ATRNL1: variants seen among roughly 807,000 people sequenced by gnomAD.
The protein encoded by ATRNL1 is attractin-like protein 1.
In ATRNL1, 95 loss-of-function variants were observed where a neutral mutation model predicts 182.7. That is an observed-to-expected ratio of 0.52 (90% CI 0.44 to 0.62). The LOEUF is 0.62. ATRNL1 is among the 20% of genes least tolerant of loss of function. The pLI, the probability that ATRNL1 is intolerant of heterozygous loss-of-function variation, is 0.00. For synonymous variants in ATRNL1, 576 were observed against 568.3 expected, an observed-to-expected ratio of 1.01 and a Z score of -0.19; for missense variants, 1,471 against 1,679.5, an observed-to-expected ratio of 0.88 and a Z score of 2.17.
Position 115,317,393 on chromosome 10 carries a change from A to G in ATRNL1, c.3037+1657A>G, listed in dbSNP as rs527766441. ...TATATGGGGTCTTCTTTAATTCCAT[A>G]TGAAATTTAAAGTAGTTTTTTCTAA... On this transcript the variant is annotated intron_variant, in intron 18 of 28. Transcript: ENST00000355044. 3.3e-5 allele frequency among the ~76,000 whole-genome samples: 5 copies of G among 152,288 alleles called. No individual in the cohort carries two copies. The South Asian group carries it at 1.0e-3, about 32-fold the overall frequency.
chr10:115,457,283 C>T (rs1237429817), intron 21 of ATRNL1, among the ~76,000 whole-genome samples: 1 of 151,940 alleles, frequency 6.6e-6, no homozygotes, highest in African/African-American at 2.4e-5. Context: ...CTGGTACTTG[C>T]TAATTGGTCC....
At chr10:115,843,053 C>T (rs560260556) in intron 27 of ATRNL1, among the ~76,000 whole-genome samples, 35 of 151,996 alleles carry the variant, frequency 2.3e-4, no homozygotes, top group Non-Finnish European at 4.4e-4. Flanking sequence ...CATGCCTTGT[C>T]GCTTATTTCA....
At chr10:115,829,827 A>T (rs1950519785) in intron 27 of ATRNL1, among the ~76,000 whole-genome samples, 1 of 152,146 alleles carries the variant, frequency 6.6e-6, no homozygotes. Context: ...CTGCCCGGAG[A>T]AGAGTTCCTT....
In ATRNL1 at chr10:115,573,021, C is replaced by T. The variant is rs571175947; in HGVS notation, c.3795+23485C>T. On this transcript the variant is annotated intron_variant, in intron 26 of 28. Transcript: ENST00000355044. ...GCAAAGCTCTTTCAGCTTTGCCTTCCGCAGAAGGCTTGAGTGTTAATCAGT... is the reference window on the plus strand; with the variant it reads ...GCAAAGCTCTTTCAGCTTTGCCTTCTGCAGAAGGCTTGAGTGTTAATCAGT... 3.3e-5 allele frequency among the ~76,000 whole-genome samples: 5 copies of T among 152,224 alleles called. No homozygotes were observed. In the East Asian group the frequency reaches 5.8e-4, roughly 18 times the overall value.
intron 27 of ATRNL1, among the ~76,000 whole-genome samples, chr10:115,737,105 G>A (rs1032651079): frequency 2.6e-5 from 4 of 151,838 alleles, no homozygotes; most frequent in Non-Finnish European, 4.4e-5. Context: ...TCCCTTACTG[G>A]CTGCATTCTC....
chr10:115,597,596 G>C (rs1555014452), intron 26 of ATRNL1: 1 of 343,098 alleles, frequency 2.9e-6, no homozygotes, highest in Non-Finnish European at 5.3e-6. Context: ...TTTGGAGACA[G>C]AGTCACACTC....
At chr10:115,288,033 C>T (rs943532762) in intron 15 of ATRNL1, among the ~76,000 whole-genome samples, 3 of 151,462 alleles carry the variant, frequency 2.0e-5, no homozygotes, top group Middle Eastern at 3.4e-3. Flanking sequence ...CCACTTCCAT[C>T]CATGTTGCCA....
chr10:115,778,042 G>A (rs1445813359), intron 27 of ATRNL1, among the ~76,000 whole-genome samples: 6 of 152,096 alleles, frequency 3.9e-5, no homozygotes, highest in Non-Finnish European at 8.8e-5. Flanking sequence ...AATGTTCAGG[G>A]GCCGGACTTT....
chr10:115,571,004 G>T (rs1555003306), intron 26 of ATRNL1, among the ~76,000 whole-genome samples: 2 of 152,164 alleles, frequency 1.3e-5, no homozygotes, highest in African/African-American at 4.8e-5. Flanking sequence ...CCCCAACATG[G>T]CACCGGCTGG....
chr10:115,386,914 G>A (rs936631030), intron 19 of ATRNL1, among the ~76,000 whole-genome samples: 1 of 147,878 alleles, frequency 6.8e-6, no homozygotes, highest in South Asian at 2.1e-4. Context: ...AACATGCGGT[G>A]TTTGGTTTTT....
intron 19 of ATRNL1, among the ~76,000 whole-genome samples, chr10:115,363,280 A>AT (rs1232342303): frequency 6.6e-6 from 1 of 152,008 alleles, no homozygotes; most frequent in Non-Finnish European, 1.5e-5. Context: ...GATGATGAGC[A>AT]TTTTTTCATG....
At chr10:115,623,524 A>G (rs1295555046) in intron 26 of ATRNL1, among the ~76,000 whole-genome samples, 1 of 152,198 alleles carries the variant, frequency 6.6e-6, no homozygotes, top group African/African-American at 2.4e-5. Flanking sequence ...AACTATTCAT[A>G]TTTAAAACAA....
chr10:115,718,740 A>G (rs527440528), intron 26 of ATRNL1, among the ~76,000 whole-genome samples: 4 of 152,348 alleles, frequency 2.6e-5, no homozygotes, highest in African/African-American at 7.2e-5. Context: ...AAATTCTGCA[A>G]TATTTTTGCA....
At chr10:115,603,903 G>T (rs1039717698) in intron 26 of ATRNL1, among the ~76,000 whole-genome samples, 2 of 152,096 alleles carry the variant, frequency 1.3e-5, no homozygotes, top group Non-Finnish European at 2.9e-5. Flanking sequence ...AGTTTTCAAA[G>T]ATATTTTTAC....
intron 28 of ATRNL1, among the ~76,000 whole-genome samples, chr10:115,929,230 T>G (rs1462207808): frequency 6.6e-6 from 1 of 151,374 alleles, no homozygotes; most frequent in Non-Finnish European, 1.5e-5. Flanking sequence ...CACTTATTTC[T>G]TAACTGGTAT....
intron 27 of ATRNL1, among the ~76,000 whole-genome samples, chr10:115,790,078 TTA>T (rs1949491563): frequency 6.6e-6 from 1 of 152,108 alleles, no homozygotes; most frequent in Non-Finnish European, 1.5e-5. Context: ...TTCTATGCTT[TTA>T]TTTTTTTCAG....
chr10:115,769,356 T>C (rs1487430000), intron 27 of ATRNL1, among the ~76,000 whole-genome samples: 1 of 152,180 alleles, frequency 6.6e-6, no homozygotes, highest in Non-Finnish European at 1.5e-5. Flanking sequence ...CTGCAATTTA[T>C]ACAGATACCA....
intron 28 of ATRNL1, among the ~76,000 whole-genome samples, chr10:115,899,519 G>A (rs1010639140): frequency 4.2e-4 from 64 of 152,202 alleles, no homozygotes; most frequent in African/African-American, 1.1e-3. Flanking sequence ...TGTTGGCCAG[G>A]CTGGTCTCAA....
chr10:115,474,367 C>CT (rs1186933917), intron 24 of ATRNL1, among the ~76,000 whole-genome samples: 2 of 151,346 alleles, frequency 1.3e-5, no homozygotes, highest in East Asian at 3.9e-4. Flanking sequence ...CTTTTATCTT[C>CT]TTCTGCAATT....
Sources: allele counts gnomAD v4.1 joint callset (sites outside exome capture counted in the v4.1 genomes callset), GRCh38; gene constraint gnomAD v4.1.1; transcripts MANE v1.5; gene names NCBI Gene and HGNC (gene_info 2026-07-23, HGNC 2026-07-21).